The following MDGA2 variants were observed in gnomAD, a reference collection of about 807,000 sequenced individuals.
MDGA2 encodes the protein MAM domain containing glycosylphosphatidylinositol anchor 2.
A neutral mutation model predicts 117.8 loss-of-function variants in MDGA2; 40 were observed. The ratio of observed to expected loss-of-function variants is 0.34; its 90% CI spans 0.26 to 0.44. The LOEUF is 0.44. Ranked by LOEUF, MDGA2 falls within the 20% of genes least tolerant of loss-of-function variation. MDGA2 has a pLI of 1.00. For synonymous variants in MDGA2, 452 were observed against 439.0 expected (o/e 1.03, Z -0.37); for missense variants, 1,123 against 1,250.6 (o/e 0.90, Z 1.54).
intron 1 of MDGA2, among the ~76,000 whole-genome samples, chr14:47,527,408 T>C (rs186257140): frequency 1.3e-5 from 2 of 151,382 alleles, no homozygotes; most frequent in Non-Finnish European, 2.9e-5. Context: ...ATGGAAGGAG[T>C]AGAAAAAGGA....
chr14:46,974,054 T>C (rs760353395), intron 8 of MDGA2, among the ~76,000 whole-genome samples: 5 of 151,872 alleles, frequency 3.3e-5, no homozygotes, highest in African/African-American at 4.8e-5. Context: ...GCTGCATTTC[T>C]ATACACTAAC....
At chr14:46,937,854 G>C (rs1382285200) in intron 9 of MDGA2, among the ~76,000 whole-genome samples, 2 of 151,930 alleles carry the variant, frequency 1.3e-5, no homozygotes, top group Non-Finnish European at 2.9e-5. Context: ...ACTATTAGAA[G>C]AAAACATAGG....
intron 1 of MDGA2, among the ~76,000 whole-genome samples, chr14:47,575,193 T>C (rs568079331): frequency 6.6e-6 from 1 of 152,270 alleles, no homozygotes; most frequent in Admixed American, 6.5e-5. Context: ...ACAACTGTAG[T>C]AAACGAAATA....
intron 1 of MDGA2, among the ~76,000 whole-genome samples, chr14:47,327,330 A>C (rs184761257): frequency 6.6e-6 from 1 of 152,188 alleles, no homozygotes; most frequent in African/African-American, 2.4e-5. Context: ...GGAAGCACCA[A>C]TCGGAAACAT....
At chr14:47,318,090 C>T (rs1163581984) in intron 1 of MDGA2, among the ~76,000 whole-genome samples, 1 of 152,066 alleles carries the variant, frequency 6.6e-6, no homozygotes, top group Non-Finnish European at 1.5e-5. Flanking sequence ...AAGCCACTAT[C>T]ATCTCTCACT....
chr14:47,629,405 T>G (rs1184814627), intron 1 of MDGA2, among the ~76,000 whole-genome samples: 1 of 152,220 alleles, frequency 6.6e-6, no homozygotes, highest in Non-Finnish European at 1.5e-5. Flanking sequence ...ACAGGCTAAG[T>G]AATACATTAT....
intron 4 of MDGA2, among the ~76,000 whole-genome samples, chr14:47,134,856 T>G (rs1276681003): frequency 6.6e-6 from 1 of 151,692 alleles, no homozygotes; most frequent in African/African-American, 2.4e-5. Context: ...ATTTACTGCA[T>G]GTAGTCAATA....
intron 2 of MDGA2, among the ~76,000 whole-genome samples, chr14:47,231,676 A>AT (rs1886695311): frequency 6.6e-6 from 1 of 151,866 alleles, no homozygotes; most frequent in Admixed American, 6.6e-5. Context: ...TAATAACACT[A>AT]CCTGGGTTTC....
At chr14:46,939,389 A>G (rs1387551188) in intron 9 of MDGA2, among the ~76,000 whole-genome samples, 1 of 152,188 alleles carries the variant, frequency 6.6e-6, no homozygotes, top group Non-Finnish European at 1.5e-5. Context: ...AAGTAAAATT[A>G]TTATAAGTCA....
chr14:47,457,568 T>G (rs1264099377), intron 1 of MDGA2, among the ~76,000 whole-genome samples: 2 of 152,202 alleles, frequency 1.3e-5, no homozygotes, highest in Non-Finnish European at 2.9e-5. Context: ...GAAGACATTC[T>G]GAGTTAACTT....
At chr14:46,976,357 A>G (rs1886458668) in intron 8 of MDGA2, among the ~76,000 whole-genome samples, 1 of 152,066 alleles carries the variant, frequency 6.6e-6, no homozygotes, top group South Asian at 2.1e-4. Flanking sequence ...AATTGAACCA[A>G]CATTACTGTA....
chr14:47,221,249 G>A (rs1456263196), intron 2 of MDGA2, among the ~76,000 whole-genome samples: 1 of 152,110 alleles, frequency 6.6e-6, no homozygotes, highest in Non-Finnish European at 1.5e-5. Context: ...AGAGAAAAAA[G>A]TTACTCTGGA....
intron 7 of MDGA2, among the ~76,000 whole-genome samples, chr14:47,036,167 G>A (rs1566585683): frequency 6.6e-6 from 1 of 150,950 alleles, no homozygotes; most frequent in Non-Finnish European, 1.5e-5. Context: ...CTGCTGGGGT[G>A]GCTGAGGCAG....
At position 47,236,420 on chromosome 14, in the gene MDGA2, G is replaced by A. The variant is rs541859342; in HGVS notation, c.421-18225C>T. On this transcript the variant is annotated intron_variant, in intron 2 of 16. Coordinates refer to ENST00000399232, the MANE Select transcript of MDGA2 (RefSeq NM_001113498.3). Reference sequence around the variant, plus strand: ...AAATGTGTAGGAGCAGTTGGTGTTTGAGGAAAGTCATGAGAGGTAACATAA... The same window carrying A: ...AAATGTGTAGGAGCAGTTGGTGTTTAAGGAAAGTCATGAGAGGTAACATAA... 2.6e-5 allele frequency among the ~76,000 whole-genome samples: 4 copies of A among 152,150 alleles called. No homozygotes were observed. The East Asian group carries it at 5.8e-4, about 22-fold the overall frequency.
chr14:47,001,528 T>C (rs183275672), intron 8 of MDGA2, among the ~76,000 whole-genome samples: 5 of 152,148 alleles, frequency 3.3e-5, no homozygotes, highest in Admixed American at 2.6e-4. Context: ...CCAGGATACA[T>C]GCATATAGGA....
At chr14:47,470,880 GTAA>G (rs1893711123) in intron 1 of MDGA2, among the ~76,000 whole-genome samples, 1 of 152,144 alleles carries the variant, frequency 6.6e-6, no homozygotes, top group South Asian at 2.1e-4. Context: ...TTTATACTTA[GTAA>G]TGAGACTATT....
intron 10 of MDGA2, among the ~76,000 whole-genome samples, chr14:46,919,148 G>A (rs890997233): frequency 2.6e-5 from 4 of 152,146 alleles, no homozygotes; most frequent in Admixed American, 6.5e-5. Flanking sequence ...TGAATGAATC[G>A]TTGGAGGTTG....
intron 2 of MDGA2, among the ~76,000 whole-genome samples, chr14:47,221,615 G>C (rs1283729336): frequency 6.7e-6 from 1 of 150,234 alleles, no homozygotes; most frequent in Admixed American, 6.6e-5. Context: ...GTGAACCCAG[G>C]AGGCAGAGCT....
intron 1 of MDGA2, among the ~76,000 whole-genome samples, chr14:47,645,610 A>G (rs1222081553): frequency 6.6e-6 from 1 of 151,970 alleles, no homozygotes; most frequent in African/African-American, 2.4e-5. Context: ...AATAATTCTT[A>G]TAATTACAAA....
Sources: allele counts gnomAD v4.1 joint callset (sites outside exome capture counted in the v4.1 genomes callset), GRCh38; gene constraint gnomAD v4.1.1; transcripts MANE v1.5; gene names NCBI Gene and HGNC (gene_info 2026-07-23, HGNC 2026-07-21).